The following SLC39A11 variants were observed in gnomAD, a reference collection of about 807,000 sequenced individuals.
The protein encoded by SLC39A11 is zinc transporter ZIP11.
In SLC39A11, 33 loss-of-function variants were observed where a neutral mutation model predicts 36.1. The observed-to-expected ratio is 0.91, with a 90% CI of 0.69 to 1.22. The LOEUF is 1.22. Among genes scored for constraint, SLC39A11 ranks in the 50% most tolerant of loss-of-function variants. SLC39A11 has a pLI of 0.00. For missense variants in SLC39A11, 432 were observed against 430.3 expected (o/e 1.00, Z -0.03); for synonymous variants, 166 against 170.3 (o/e 0.97, Z 0.20).
At chr17:72,981,217 A>G (rs1244348113) in intron 4 of SLC39A11, among the ~76,000 whole-genome samples, 11 of 152,180 alleles carry the variant, frequency 7.2e-5, no homozygotes, top group African/African-American at 2.7e-4. Context: ...TTATACATAT[A>G]TATTTTTAGT....
In SLC39A11 at chr17:72,926,244, G is replaced by T. The variant is rs190306874; in HGVS notation, c.430+21508C>A. ...TCATAATTTCCTTTTAACCAGCCAT[G>T]CTTTGAATGACAAATATGTAGAGAG... On this transcript the variant is annotated intron_variant, in intron 5 of 9. Transcript: ENST00000255559. Among the ~76,000 whole-genome samples the T allele has an allele frequency of 3.2e-3, 486 of 152,296 alleles. 4 individuals are homozygous for T. Among genetic ancestry groups the T allele is most frequent in the African/African-American group, 0.011 (464 of 41,570 alleles).
intron 5 of SLC39A11, among the ~76,000 whole-genome samples, chr17:72,911,208 T>C (rs2082972688): frequency 6.6e-6 from 1 of 151,976 alleles, no homozygotes; most frequent in African/African-American, 2.4e-5. Flanking sequence ...TAGGTGGGAA[T>C]TGAACAATGA....
chr17:73,014,550 AG>A (rs2090704219), intron 4 of SLC39A11, among the ~76,000 whole-genome samples: 1 of 152,054 alleles, frequency 6.6e-6, no homozygotes, highest in Non-Finnish European at 1.5e-5. Context: ...CCAGCTATTC[AG>A]GAGACTGAGG....
chr17:72,995,440 G>A (rs11657080), intron 4 of SLC39A11, among the ~76,000 whole-genome samples: 80,686 of 151,980 alleles, frequency 0.53, 22,789 homozygotes, highest in Middle Eastern at 0.75. Flanking sequence ...AACTTGACTG[G>A]ACTAAGGGAT....
chr17:73,050,320 T>A (rs1192077884), intron 3 of SLC39A11, among the ~76,000 whole-genome samples: 4 of 47,990 alleles, frequency 8.3e-5, no homozygotes, highest in Non-Finnish European at 1.3e-4. Flanking sequence ...GGTCTGTTTG[T>A]GGCAAAAAAA....
chr17:72,650,513 T>C (rs995240870), intron 7 of SLC39A11, among the ~76,000 whole-genome samples: 4 of 152,064 alleles, frequency 2.6e-5, no homozygotes, highest in Admixed American at 6.6e-5. Flanking sequence ...AGGAGGGAAA[T>C]GGGGCCAGTC....
At chr17:73,055,314 T>C (rs1266372085) in intron 3 of SLC39A11, among the ~76,000 whole-genome samples, 1 of 151,914 alleles carries the variant, frequency 6.6e-6, no homozygotes, top group Non-Finnish European at 1.5e-5. Flanking sequence ...GAAGCAGAGG[T>C]CCACAGGAGG....
chr17:72,739,030 G>T (rs1227308090), intron 6 of SLC39A11, among the ~76,000 whole-genome samples: 1 of 151,442 alleles, frequency 6.6e-6, no homozygotes, highest in Non-Finnish European at 1.5e-5. Context: ...GGAATAAGGT[G>T]TTCTTTTTTT....
At chr17:72,676,454 T>G (rs980248898) in intron 7 of SLC39A11, among the ~76,000 whole-genome samples, 1 of 152,194 alleles carries the variant, frequency 6.6e-6, no homozygotes, top group South Asian at 2.1e-4. Flanking sequence ...GGGAAGTAGA[T>G]GAAATTAGCA....
intron 4 of SLC39A11, among the ~76,000 whole-genome samples, chr17:73,008,771 C>T (rs909160010): frequency 1.3e-5 from 2 of 152,034 alleles, no homozygotes; most frequent in South Asian, 2.1e-4. Context: ...ATGACGTTCT[C>T]GGCCAGGCAC....
chr17:72,717,851 T>C (rs774385059), intron 7 of SLC39A11, among the ~76,000 whole-genome samples: 2 of 152,272 alleles, frequency 1.3e-5, no homozygotes, highest in East Asian at 3.9e-4. Context: ...ACATCGGCTG[T>C]CTAGGAGGTG....
rs368498790 is a variant in SLC39A11 at position 72,735,608 on chromosome 17, C to T, written c.671+1042G>A. On this transcript the variant is annotated intron_variant, in intron 7 of 9. Coordinates refer to ENST00000255559, the MANE Select transcript of SLC39A11 (RefSeq NM_139177.4). ...AATTCAAGTACCTTTAGATAGTGCG[C>T]GTGCTGTTTAAAGTTCGCCTTATTC... Among the ~76,000 whole-genome samples, 611 of 152,264 alleles carry T rather than the reference C, an allele frequency of 4.0e-3. 1 individual carries two copies. The highest frequency in any genetic ancestry group is 5.2e-3 in the African/African-American group (216 of 41,548).
Position 72,798,447 on chromosome 17 carries a change from T to G in SLC39A11, c.601+51187A>C, listed in dbSNP as rs553648960. Among the ~76,000 whole-genome samples the G allele has an allele frequency of 6.9e-5, 10 of 145,614 alleles. No homozygotes were observed. The East Asian group carries it at 2.0e-3, about 29-fold the overall frequency. On this transcript the variant is annotated intron_variant, in intron 6 of 9. Transcript: ENST00000255559. ...TTTTTTTTTTGAGATGGAGCCTCAC[T>G]CTGTTGCCCAGTCTGAAGTGCAATG...
chr17:72,938,275 C>G (rs1449408132), intron 5 of SLC39A11, among the ~76,000 whole-genome samples: 1 of 152,088 alleles, frequency 6.6e-6, no homozygotes, highest in Non-Finnish European at 1.5e-5. Flanking sequence ...TCCCTGATTC[C>G]TTTCTTTAGG....
intron 4 of SLC39A11, among the ~76,000 whole-genome samples, chr17:73,013,810 A>T (rs7215954): frequency 6.6e-6 from 1 of 152,038 alleles, no homozygotes; most frequent in Non-Finnish European, 1.5e-5. Flanking sequence ...ACATGGTTTC[A>T]GGACCAATGA....
At chr17:72,776,422 T>G (rs769341970) in intron 6 of SLC39A11, among the ~76,000 whole-genome samples, 1 of 152,194 alleles carries the variant, frequency 6.6e-6, no homozygotes, top group African/African-American at 2.4e-5. Flanking sequence ...TTTGCAATGC[T>G]TGACTTTATA....
At chr17:72,902,064 G>A (rs1054412949) in intron 5 of SLC39A11, among the ~76,000 whole-genome samples, 6 of 152,112 alleles carry the variant, frequency 3.9e-5, no homozygotes, top group African/African-American at 1.4e-4. Context: ...CTGAGGTCGA[G>A]AGTTCGAGAC....
chr17:72,789,280 G>A (rs140613762), intron 6 of SLC39A11, among the ~76,000 whole-genome samples: 110 of 152,196 alleles, frequency 7.2e-4, no homozygotes, highest in African/African-American at 2.4e-3. Context: ...TGATCCGCCC[G>A]CCTAGGCCTC....
intron 4 of SLC39A11, among the ~76,000 whole-genome samples, chr17:72,949,314 C>T (rs2085693092): frequency 6.6e-6 from 1 of 151,644 alleles, no homozygotes; most frequent in Non-Finnish European, 1.5e-5. Context: ...GCACTCACCA[C>T]CACGCCGGGC....
Sources: gnomAD v4.1 joint callset for allele counts (sites outside exome capture counted in the v4.1 genomes callset) on GRCh38, gnomAD v4.1.1 for gene constraint, MANE v1.5 for transcripts, NCBI Gene and HGNC (gene_info 2026-07-23, HGNC 2026-07-21) for gene names.